The following HELQ variants were observed in gnomAD, a reference collection of about 807,000 sequenced individuals.
The protein encoded by HELQ is helicase, POLQ like.
In HELQ, 77 loss-of-function variants were observed where a neutral mutation model predicts 111.6. The observed-to-expected ratio is 0.69, with a 90% CI of 0.57 to 0.83. The LOEUF (loss-of-function observed/expected upper bound fraction) is 0.83. HELQ is among the 40% of genes least tolerant of loss of function. HELQ has a pLI of 0.00. For synonymous variants in HELQ, 438 were observed against 454.7 expected (o/e 0.96, Z 0.47); for missense variants, 1,200 against 1,288.5 (o/e 0.93, Z 1.05).
At chr4:83,427,150 G>A (rs1719891079) in intron 13 of HELQ, among the ~76,000 whole-genome samples, 2 of 152,070 alleles carry the variant, frequency 1.3e-5, no homozygotes, top group African/African-American at 4.8e-5. Flanking sequence ...TTTCTGTGGG[G>A]AAATAGGACC....
chr4:83,411,108 C>T (rs976139115), intron 17 of HELQ, among the ~76,000 whole-genome samples: 11 of 138,638 alleles, frequency 7.9e-5, no homozygotes, highest in African/African-American at 1.9e-4. Flanking sequence ...TGCAGTGAGG[C>T]ATGATTGTGC....
chr4:83,435,174 T>A (rs1720382971), intron 9 of HELQ, among the ~76,000 whole-genome samples: 1 of 152,164 alleles, frequency 6.6e-6, no homozygotes, highest in Non-Finnish European at 1.5e-5. Context: ...CTATAATAGG[T>A]GTGTAATAAA....
Position 83,407,407 on chromosome 4 carries a change from C to G in HELQ, c.*46G>C. The G allele has an allele frequency of 8.5e-7, 1 of 1,174,902 alleles. No individual in the cohort carries two copies. Among genetic ancestry groups the G allele is most frequent in the South Asian group, 1.4e-5 (1 of 72,014 alleles). 72.8% of individuals were successfully genotyped at this position (1,174,902 alleles called of 1,614,324 possible). ...AGTATAAGTTATCTTTAATAACACA[C>G]ATGTACAATAAATAATTCATATATG... On this transcript the variant is annotated 3_prime_UTR_variant, in exon 18 of 18. Coordinates refer to ENST00000295488, the MANE Select transcript of HELQ (RefSeq NM_133636.5).
chr4:83,450,849 CCCA>C (rs1180619158), intron 2 of HELQ, among the ~76,000 whole-genome samples: 1 of 152,000 alleles, frequency 6.6e-6, no homozygotes, highest in Non-Finnish European at 1.5e-5. Context: ...GCCTATAGTC[CCCA>C]CGACTTGGGA....
At chr4:83,413,298 T>C (rs1020355940) in intron 17 of HELQ, among the ~76,000 whole-genome samples, 1 of 152,222 alleles carries the variant, frequency 6.6e-6, no homozygotes, top group African/African-American at 2.4e-5. Context: ...AGCTAGATAG[T>C]GTCAGGACAC....
chr4:83,446,151 C>T (rs116634000), intron 4 of HELQ, 65 bp from the exon 5 acceptor site: 47,650 of 1,035,436 alleles, frequency 0.046, 1,776 homozygotes, highest in Admixed American at 0.15. Context: ...ATAAAACATG[C>T]ATATATTCAT....
intron 1 of HELQ, among the ~76,000 whole-genome samples, chr4:83,454,730 T>C (rs1219283298): frequency 2.0e-5 from 3 of 152,046 alleles, no homozygotes; most frequent in East Asian, 1.9e-4. Flanking sequence ...CACGGCCAGA[T>C]TGTAATTCTT....
chr4:83,454,933 A>G (rs1284837979), intron 1 of HELQ, among the ~76,000 whole-genome samples: 1 of 152,202 alleles, frequency 6.6e-6, no homozygotes, highest in African/African-American at 2.4e-5. Context: ...GAGAAACTGA[A>G]TACTGACTTG....
intron 14 of HELQ, among the ~76,000 whole-genome samples, chr4:83,425,530 A>T (rs1719803245): frequency 6.6e-6 from 1 of 152,212 alleles, no homozygotes. Context: ...ATATCACACC[A>T]ACGAGTATTA....
chr4:83,442,573 T>A (rs1720831287), intron 6 of HELQ, among the ~76,000 whole-genome samples: 1 of 151,610 alleles, frequency 6.6e-6, no homozygotes, highest in Non-Finnish European at 1.5e-5. Context: ...CACCATGCCC[T>A]GCTAATTTTT....
rs770599735 is a variant in HELQ at position 83,441,314 on chromosome 4, A to C, written c.1653T>G (p.Leu551=). 1 of 1,562,398 alleles carries C rather than the reference A, an allele frequency of 6.4e-7. No individual in the cohort carries two copies. Among genetic ancestry groups the C allele is most frequent in the Non-Finnish European group, 8.8e-7 (1 of 1,136,872 alleles). The change falls in exon 7 of 18, where the codon CTT becomes CTG. Residue 551 remains leucine (L), a synonymous_variant. Coordinates refer to ENST00000295488, the MANE Select transcript of HELQ (RefSeq NM_133636.5). ...ATGTTATCAATGTTACCTTATAATTAAGAAGACGTGAAAAAGTCATGCCAT... is the reference window on the plus strand; with the variant it reads ...ATGTTATCAATGTTACCTTATAATTCAGAAGACGTGAAAAAGTCATGCCAT... ...AENGMTFSRL[L]NYKYSDTLKK... is the part of the protein sequence containing the mutation.
rs936507662 is a variant in HELQ at position 83,425,939 on chromosome 4, G to A, written c.2775+55C>T. 3.4e-6 allele frequency: 3 copies of A among 892,446 alleles called. No homozygotes were observed. The East Asian group carries it at 7.3e-5, about 22-fold the overall frequency. 55.3% of individuals were successfully genotyped at this position (892,446 alleles called of 1,614,324 possible). On this transcript the variant is annotated intron_variant, in intron 14 of 17. Coordinates refer to ENST00000295488, the MANE Select transcript of HELQ (RefSeq NM_133636.5). ...TAATTTTGTTGAGTGAACTTAGTGA[G>A]TGAACTAAGTGTTGAGTGAACTTAT...
intron 14 of HELQ, among the ~76,000 whole-genome samples, chr4:83,424,447 G>T (rs1719734629): frequency 6.6e-6 from 1 of 152,126 alleles, no homozygotes; most frequent in African/African-American, 2.4e-5. Context: ...TTATTTTTGA[G>T]ACAGGGTCTC....
At chr4:83,432,958 G>T (rs1317576564) in intron 9 of HELQ, among the ~76,000 whole-genome samples, 5 of 152,072 alleles carry the variant, frequency 3.3e-5, no homozygotes, top group Admixed American at 3.3e-4. Context: ...TACTTGGGAG[G>T]CTAAGGTGGG....
chr4:83,420,952 G>T (rs563121588), intron 15 of HELQ, among the ~76,000 whole-genome samples: 1 of 151,106 alleles, frequency 6.6e-6, no homozygotes, highest in East Asian at 2.0e-4. Flanking sequence ...GACCACAGGC[G>T]TGTGCCACCA....
chr4:83,435,466 G>C (rs1028927121), intron 9 of HELQ, among the ~76,000 whole-genome samples: 9 of 152,028 alleles, frequency 5.9e-5, no homozygotes, highest in Non-Finnish European at 1.2e-4. Context: ...TGCTAGTGAA[G>C]TGTAAAAGTG....
At chr4:83,410,219 A>G in intron 17 of HELQ, among the ~76,000 whole-genome samples, 1 of 152,062 alleles carries the variant, frequency 6.6e-6, no homozygotes, top group East Asian at 1.9e-4. Flanking sequence ...ACTGCACTCT[A>G]GCCTGGGTGA....
chr4:83,426,125 T>C (rs778896954), intron 13 of HELQ, 33 bp from the exon 14 acceptor site: 1 of 1,134,276 alleles, frequency 8.8e-7, no homozygotes, highest in Non-Finnish European at 1.3e-6. Context: ...GATGGAAACA[T>C]CAAAAAATCT....
chr4:83,421,578 C>A lies in HELQ; in HGVS notation c.2934G>T (p.Val978=), dbSNP rs1225462276. 2.5e-6 allele frequency: 4 copies of A among 1,611,610 alleles called. No homozygotes were observed. In the South Asian group the frequency reaches 4.4e-5, roughly 18 times the overall value. ...ATGAAATTACCTCACAGAAATGTAA[C>A]ACACAAGATGAGAATGAGGCAGTTC... ...LTGTASFSSC[V]LHFCEELEEF... is the part of the protein sequence containing the mutation. Residue 978 remains valine, a synonymous_variant, in exon 15 of 18, where the codon GTG becomes GTT. Coordinates refer to ENST00000295488, the MANE Select transcript of HELQ (RefSeq NM_133636.5).
Sources: allele counts gnomAD v4.1 joint callset (sites outside exome capture counted in the v4.1 genomes callset), GRCh38; gene constraint gnomAD v4.1.1; transcripts MANE v1.5; gene names NCBI Gene and HGNC (gene_info 2026-07-23, HGNC 2026-07-21).